The following DLGAP2 variants were observed in gnomAD, a reference collection of about 807,000 sequenced individuals.
DLGAP2 encodes disks large-associated protein 2.
DLGAP2 carries 26 observed loss-of-function variants against 100.3 expected under a neutral mutation model. The observed-to-expected ratio is 0.26, with a 90% confidence interval of 0.19 to 0.36. DLGAP2 has a LOEUF of 0.36. Ranked by LOEUF, DLGAP2 falls within the 10% of genes least tolerant of loss-of-function variation. DLGAP2 has a pLI of 1.00. For missense variants in DLGAP2, 1,858 were observed against 1,453.2 expected (o/e 1.28, Z -4.53); for synonymous variants, 886 against 630.1 (o/e 1.41, Z -6.08).
At chr8:869,705 G>A (rs1264542038) in intron 1 of DLGAP2, among the ~76,000 whole-genome samples, 2 of 152,158 alleles carry the variant, frequency 1.3e-5, no homozygotes, top group Non-Finnish European at 2.9e-5. Flanking sequence ...TGGAACATTC[G>A]GGGATCAGGA....
chr8:916,428 A>G (rs1798594800), intron 2 of DLGAP2, among the ~76,000 whole-genome samples: 1 of 152,200 alleles, frequency 6.6e-6, no homozygotes, highest in Non-Finnish European at 1.5e-5. Flanking sequence ...TTGCAAGGAC[A>G]AAAAACCAAA....
Position 1,632,882 on chromosome 8 carries a change from G to C in DLGAP2, c.1646G>C (p.Ser549Thr). Reference sequence around the variant, plus strand: ...GAGTCCGTGTGCGAGTCCGTCTTCAGTGAAGTTGAATCTCAGGCCATGGAT... The same window carrying C: ...GAGTCCGTGTGCGAGTCCGTCTTCACTGAAGTTGAATCTCAGGCCATGGAT... The part of the protein sequence containing the change: ...QFESVCESVF[S>T]EVESQAMDAL... Residue 549 changes from serine (S) to threonine (T), a missense_variant, in exon 8 of 15, where the codon AGT (serine) becomes ACT (threonine). Coordinates refer to ENST00000637795, the MANE Select transcript of DLGAP2 (RefSeq NM_001346810.2). 1.9e-6 allele frequency: 3 copies of C among 1,613,968 alleles called. No individual in the cohort carries two copies. The highest frequency in any genetic ancestry group is 1.3e-5 in the African/African-American group (1 of 75,040).
At chr8:1,190,343 G>A (rs950391810) in intron 2 of DLGAP2, among the ~76,000 whole-genome samples, 29 of 152,284 alleles carry the variant, frequency 1.9e-4, no homozygotes, top group African/African-American at 7.0e-4. Context: ...GAAATGTGAT[G>A]CTGAGGCCTG....
At chr8:1,434,371 C>T (rs1392968925) in intron 3 of DLGAP2, among the ~76,000 whole-genome samples, 1 of 152,184 alleles carries the variant, frequency 6.6e-6, no homozygotes, top group Non-Finnish European at 1.5e-5. Context: ...AGACAGCAAG[C>T]ACTCCACCTG....
intron 2 of DLGAP2, among the ~76,000 whole-genome samples, chr8:1,228,679 A>G (rs971090324): frequency 2.6e-5 from 4 of 152,244 alleles, no homozygotes; most frequent in Non-Finnish European, 5.9e-5. Flanking sequence ...TAGAATAAAA[A>G]GGGGAAAATG....
At chr8:851,027 A>G (rs1484899936) in intron 1 of DLGAP2, among the ~76,000 whole-genome samples, 4 of 152,214 alleles carry the variant, frequency 2.6e-5, no homozygotes, top group Non-Finnish European at 5.9e-5. Context: ...TGAAAGATGC[A>G]CTGTCCAGAT....
intron 2 of DLGAP2, among the ~76,000 whole-genome samples, chr8:1,220,234 T>C (rs1393537990): frequency 3.9e-5 from 6 of 152,200 alleles, no homozygotes. Flanking sequence ...AACTTCTTGA[T>C]GTAATCATTT....
At position 917,868 on chromosome 8, in the gene DLGAP2, T is replaced by C. The variant is rs193146667; in HGVS notation, c.73+9902T>C. On this transcript the variant is annotated intron_variant, in intron 2 of 14. Transcript: ENST00000637795. ...TGCTGGGATTACAGGCGTGAGCTAC[T>C]GCGCCCGGCCTCCAGAGTATTCTTT... Among the ~76,000 whole-genome samples the C allele has an allele frequency of 1.4e-3, 206 of 152,332 alleles. 3 individuals are homozygous for C. Among genetic ancestry groups the C allele is most frequent in the African/African-American group, 4.8e-3 (198 of 41,566 alleles).
intron 6 of DLGAP2, among the ~76,000 whole-genome samples, chr8:1,576,882 C>G (rs947685934): frequency 6.6e-6 from 1 of 152,174 alleles, no homozygotes; most frequent in African/African-American, 2.4e-5. Flanking sequence ...CCCCATCAAG[C>G]TACCAATGCC....
At chr8:1,098,724 G>C (rs867394817) in intron 2 of DLGAP2, among the ~76,000 whole-genome samples, 13 of 100,692 alleles carry the variant, frequency 1.3e-4, no homozygotes, top group Admixed American at 1.9e-4. Flanking sequence ...CCGCCCACGG[G>C]CGCCGCCACC....
intron 2 of DLGAP2, among the ~76,000 whole-genome samples, chr8:1,039,679 C>T (rs1320411057): frequency 8.9e-6 from 1 of 112,850 alleles, no homozygotes; most frequent in Non-Finnish European, 1.7e-5. Flanking sequence ...GCTCGGTGTG[C>T]GTGGTCAGCT....
rs1413796353 is a variant in DLGAP2 at position 1,674,802 on chromosome 8, C to G, written c.2203-1731C>G. Among the ~76,000 whole-genome samples the G allele has an allele frequency of 3.9e-5, 6 of 152,214 alleles. No homozygotes were observed. The East Asian group carries it at 1.2e-3, about 29-fold the overall frequency. ...AACCAAATTTCCCCTGCACTGAAGG[C>G]TCATTAAATGCACTAGGCTATACTC... On this transcript the variant is annotated intron_variant, in intron 10 of 14. Transcript: ENST00000637795.
intron 5 of DLGAP2, 107 bp downstream of exon 5, chr8:1,549,790 G>A (rs1031193323): frequency 4.2e-6 from 5 of 1,202,678 alleles, no homozygotes; most frequent in Admixed American, 5.5e-5. Context: ...TTTAGGTTGT[G>A]CAACAGGATG....
chr8:1,646,816 G>A (rs1310802181), intron 8 of DLGAP2, among the ~76,000 whole-genome samples: 2 of 144,276 alleles, frequency 1.4e-5, no homozygotes, highest in Non-Finnish European at 3.1e-5. Context: ...GAGGGCAAAC[G>A]GATCAAAATC....
intron 3 of DLGAP2, among the ~76,000 whole-genome samples, chr8:1,358,405 A>C (rs1801903880): frequency 6.6e-6 from 1 of 152,128 alleles, no homozygotes; most frequent in Non-Finnish European, 1.5e-5. Flanking sequence ...CTGGGGCTAA[A>C]AATGTATTGA....
At chr8:792,985 A>T (rs1299526552) in intron 1 of DLGAP2, among the ~76,000 whole-genome samples, 1 of 152,118 alleles carries the variant, frequency 6.6e-6, no homozygotes, top group South Asian at 2.1e-4. Context: ...ACCCTTCCCC[A>T]TGCTGAGATG....
chr8:946,160 C>A (rs911363541), intron 2 of DLGAP2, among the ~76,000 whole-genome samples: 1 of 152,098 alleles, frequency 6.6e-6, no homozygotes, highest in Non-Finnish European at 1.5e-5. Context: ...GCGTGACCCC[C>A]TGACTCCCCC....
intron 3 of DLGAP2, among the ~76,000 whole-genome samples, chr8:1,346,155 G>A (rs1369538835): frequency 2.0e-5 from 3 of 152,074 alleles, no homozygotes; most frequent in African/African-American, 7.2e-5. Flanking sequence ...GCACTGCTCT[G>A]ATGGTAACTG....
intron 6 of DLGAP2, among the ~76,000 whole-genome samples, chr8:1,602,096 C>T (rs1796646426): frequency 6.6e-6 from 1 of 152,058 alleles, no homozygotes; most frequent in South Asian, 2.1e-4. Flanking sequence ...GCACTCAGCC[C>T]ACACTTGTCA....
Sources: allele counts gnomAD v4.1 joint callset (sites outside exome capture counted in the v4.1 genomes callset), GRCh38; gene constraint gnomAD v4.1.1; transcripts MANE v1.5; gene names NCBI Gene and HGNC (gene_info 2026-07-23, HGNC 2026-07-21).